CNTNAP4: variants seen among roughly 807,000 people sequenced by gnomAD.
CNTNAP4 encodes contactin-associated protein-like 4.
A neutral mutation model predicts 148.4 loss-of-function variants in CNTNAP4; 98 were observed. The observed-to-expected ratio is 0.66, with a 90% CI of 0.56 to 0.78. The LOEUF (loss-of-function observed/expected upper bound fraction) is 0.78, where lower values mean the gene tolerates loss of function less well. Among genes scored for constraint, CNTNAP4 ranks in the 30% least tolerant of loss-of-function variants. CNTNAP4 has a pLI of 0.00. For missense variants in CNTNAP4, 1,935 were observed against 1,565.6 expected (o/e 1.24, Z -3.98); for synonymous variants, 730 against 565.1 (o/e 1.29, Z -4.14).
In CNTNAP4 at chr16:76,466,975, C is replaced by A. The variant is rs80264725; in HGVS notation, c.1484-377C>A. ...TTTTCTTATACATAGTACATGTTTTCATCTTTTATGTTCTTAATTTTGCAA... is the reference window on the plus strand; with the variant it reads ...TTTTCTTATACATAGTACATGTTTTAATCTTTTATGTTCTTAATTTTGCAA... On this transcript the variant is annotated intron_variant, in intron 9 of 23. Transcript: ENST00000611870. Among the ~76,000 whole-genome samples, 326 of 152,114 alleles carry A rather than the reference C, an allele frequency of 2.1e-3. 12 individuals carry two copies. The East Asian group carries it at 0.056, about 26-fold the overall frequency.
At position 76,329,458 on chromosome 16, in the gene CNTNAP4, ATC is replaced by A. The variant is rs1963309045; in HGVS notation, c.196+12938_196+12939del. ...AATTTAAAATCTGTTCCCGTGCACT[ATC>A]TCCTTTGATTTTTAACTGTAGCCCT... On this transcript the variant is annotated intron_variant, in intron 2 of 23. Transcript: ENST00000611870. Among the ~76,000 whole-genome samples, 5 of 152,280 alleles carry A rather than the reference ATC, an allele frequency of 3.3e-5. No homozygotes were observed. In the South Asian group the frequency reaches 1.0e-3, roughly 32 times the overall value.
chr16:76,434,351 A>C (rs1002851399), intron 4 of CNTNAP4, among the ~76,000 whole-genome samples: 3 of 152,140 alleles, frequency 2.0e-5, no homozygotes, highest in Non-Finnish European at 4.4e-5. Context: ...CTGAAAGCAA[A>C]TTGTTTCTGG....
intron 2 of CNTNAP4, among the ~76,000 whole-genome samples, chr16:76,343,515 A>G (rs770649295): frequency 9.2e-5 from 14 of 152,214 alleles, no homozygotes; most frequent in Non-Finnish European, 1.9e-4. Flanking sequence ...CTAATATAGA[A>G]TAACTAGTAG....
intron 3 of CNTNAP4, among the ~76,000 whole-genome samples, chr16:76,384,125 C>A (rs536816861): frequency 2.2e-4 from 34 of 152,086 alleles, no homozygotes; most frequent in Admixed American, 8.5e-4. Context: ...CTCGCTGCAA[C>A]CTCCGCCTCC....
intron 3 of CNTNAP4, among the ~76,000 whole-genome samples, chr16:76,370,787 C>G (rs2014720349): frequency 6.6e-6 from 1 of 152,164 alleles, no homozygotes; most frequent in Non-Finnish European, 1.5e-5. Context: ...CATTCCCTTT[C>G]AGTTTTGAAA....
chr16:76,502,595 A>G (rs898730794), intron 15 of CNTNAP4, among the ~76,000 whole-genome samples: 6 of 152,310 alleles, frequency 3.9e-5, no homozygotes, highest in African/African-American at 7.2e-5. Context: ...AGATCAGTCA[A>G]GTGACCTCTG....
At chr16:76,453,997 G>A (rs1436836078) in intron 8 of CNTNAP4, among the ~76,000 whole-genome samples, 1 of 151,902 alleles carries the variant, frequency 6.6e-6, no homozygotes, top group Non-Finnish European at 1.5e-5. Flanking sequence ...TTATTGTGAT[G>A]TATCTGACAT....
At chr16:76,293,512 G>A (rs1959173602) in intron 1 of CNTNAP4, among the ~76,000 whole-genome samples, 1 of 152,018 alleles carries the variant, frequency 6.6e-6, no homozygotes, top group Non-Finnish European at 1.5e-5. Context: ...ACTTGTGTAT[G>A]GTTTACACAA....
At chr16:76,540,106 G>A (rs2084385427) in intron 20 of CNTNAP4, among the ~76,000 whole-genome samples, 1 of 151,860 alleles carries the variant, frequency 6.6e-6, no homozygotes. Flanking sequence ...ATGTCATAGT[G>A]TGCTACTGGT....
chr16:76,296,091 C>T (rs549010796), intron 1 of CNTNAP4, among the ~76,000 whole-genome samples: 4 of 152,176 alleles, frequency 2.6e-5, no homozygotes, highest in Non-Finnish European at 5.9e-5. Flanking sequence ...TGTGTGATTT[C>T]TACAATGCAA....
Position 76,476,055 on chromosome 16 carries a change from A to G in CNTNAP4, c.1762+10A>G, listed in dbSNP as rs1323846708. ...GCTACTTGCCATAACTGTAAGCGGA[A>G]CACATCTGCTTTTTCTTGCCCCTGT... On this transcript the variant is annotated intron_variant, in intron 11 of 23. Transcript: ENST00000611870. 6.4e-7 allele frequency: 1 copy of G among 1,574,360 alleles called. No homozygotes were observed. Among genetic ancestry groups the G allele is most frequent in the Admixed American group, 1.7e-5 (1 of 59,906 alleles).
Position 76,535,631 on chromosome 16 carries a change from G to A in CNTNAP4, c.2842G>A (p.Ala948Thr). ...GATGACCCTGGATTTGGAAGAAAGA[G>A]CCCAGGTGACTCCAGAAGTGCAGCC... ...NGMTLDLEER[A>T]QVTPEVQPGC... is the part of the protein sequence containing the mutation. The change falls in exon 18 of 24, where the codon GCC becomes ACC. Residue 948 changes from alanine (A) to threonine (T), a missense_variant. Transcript: ENST00000611870. 1.2e-6 allele frequency: 2 copies of A among 1,613,976 alleles called. No homozygotes were observed. Among genetic ancestry groups the A allele is most frequent in the Non-Finnish European group, 1.7e-6 (2 of 1,180,028 alleles).
rs530149613 is a variant in CNTNAP4, at chr16:76,294,218, G to A, written c.85+16471G>A. Among the ~76,000 whole-genome samples, 4 of 152,158 alleles carry A rather than the reference G, an allele frequency of 2.6e-5. No homozygotes were observed. In the South Asian group the frequency reaches 8.3e-4, roughly 32 times the overall value. ...GCTATTCAGGGACCCACAAGCAAAT[G>A]GAGAAGACAAAAAGTAACTCTAACA... On this transcript the variant is annotated intron_variant, in intron 1 of 23. Transcript: ENST00000611870.
intron 3 of CNTNAP4, among the ~76,000 whole-genome samples, chr16:76,389,028 C>G (rs2016738010): frequency 6.6e-6 from 1 of 152,010 alleles, no homozygotes; most frequent in African/African-American, 2.4e-5. Flanking sequence ...ATGACTAAGC[C>G]AAAACCTTAT....
At chr16:76,462,695 C>A (rs1314278122) in intron 9 of CNTNAP4, among the ~76,000 whole-genome samples, 2 of 152,092 alleles carry the variant, frequency 1.3e-5, no homozygotes, top group Admixed American at 1.3e-4. Context: ...TTTGTTTGAA[C>A]TAAAAGCCTG....
intron 1 of CNTNAP4, among the ~76,000 whole-genome samples, chr16:76,280,379 T>A (rs755161022): frequency 5.3e-5 from 8 of 152,202 alleles, no homozygotes; most frequent in Non-Finnish European, 1.2e-4. Context: ...TTCACATATA[T>A]GTATATGTGC....
intron 3 of CNTNAP4, among the ~76,000 whole-genome samples, chr16:76,400,654 G>A (rs1046549191): frequency 6.6e-6 from 1 of 151,942 alleles, no homozygotes; most frequent in Non-Finnish European, 1.5e-5. Flanking sequence ...TTGTCTTCAA[G>A]GGCTTTTTTA....
chr16:76,368,794 A>G (rs1200548569), intron 3 of CNTNAP4, among the ~76,000 whole-genome samples: 2 of 152,164 alleles, frequency 1.3e-5, no homozygotes, highest in African/African-American at 2.4e-5. Flanking sequence ...CACATCCTGC[A>G]CGTGTATCCC....
chr16:76,357,515 G>A (rs2012843129), intron 3 of CNTNAP4, among the ~76,000 whole-genome samples: 1 of 152,160 alleles, frequency 6.6e-6, no homozygotes, highest in Non-Finnish European at 1.5e-5. Flanking sequence ...TCATAATCCT[G>A]TTAAGGTAAC....
Sources: allele counts gnomAD v4.1 joint callset (sites outside exome capture counted in the v4.1 genomes callset), GRCh38; gene constraint gnomAD v4.1.1; transcripts MANE v1.5; gene names NCBI Gene and HGNC (gene_info 2026-07-23, HGNC 2026-07-21).